The following SLC37A2 variants were observed in gnomAD, a reference collection of about 807,000 sequenced individuals.
The protein encoded by SLC37A2 is solute carrier family 37 member 2, also known as glucose-6-phosphate exchanger SLC37A2.
Under a neutral mutation model 70.7 loss-of-function variants are expected in SLC37A2, and 59 were observed. The ratio of observed to expected loss-of-function variants is 0.83; its 90% CI spans 0.68 to 1.04. SLC37A2 has a LOEUF of 1.04. SLC37A2 is among the 50% of genes least tolerant of loss of function. The pLI, the probability that SLC37A2 is intolerant of heterozygous loss-of-function variation, is 0.00. For synonymous variants in SLC37A2, 257 were observed against 262.1 expected (o/e 0.98, Z 0.19); for missense variants, 580 against 658.1 (o/e 0.88, Z 1.30).
At chr11:125,086,782 G>A (rs1389809404) in intron 17 of SLC37A2, 5 of 174,764 alleles carry the variant, frequency 2.9e-5, no homozygotes, top group African/African-American at 7.2e-5. Flanking sequence ...ATGGTCGGGC[G>A]ACCCTCTCCC....
At chr11:125,074,968 C>A (rs142491254) in intron 1 of SLC37A2, among the ~76,000 whole-genome samples, 1 of 152,200 alleles carries the variant, frequency 6.6e-6, no homozygotes, top group East Asian at 1.9e-4. Context: ...GCAGTATAAC[C>A]AGGGACCTGG....
chr11:125,065,738 C>T (rs1012899892), intron 1 of SLC37A2, among the ~76,000 whole-genome samples: 1 of 151,806 alleles, frequency 6.6e-6, no homozygotes, highest in African/African-American at 2.4e-5. Context: ...ACCAATTTTT[C>T]TAATTATGTA....
chr11:125,065,914 A>G (rs1948975228), intron 1 of SLC37A2, among the ~76,000 whole-genome samples: 1 of 152,246 alleles, frequency 6.6e-6, no homozygotes, highest in Admixed American at 6.5e-5. Flanking sequence ...CTAAGTTCTT[A>G]TGGGTTAATA....
chr11:125,079,601 C>T, intron 5 of SLC37A2, 83 bp from the exon 6 acceptor site: 3 of 1,129,430 alleles, frequency 2.7e-6, no homozygotes, highest in South Asian at 1.4e-5. Context: ...CGAAATTGAA[C>T]CTCCTCAGCC....
intron 1 of SLC37A2, among the ~76,000 whole-genome samples, chr11:125,073,751 T>G (rs12287383): frequency 0.27 from 41,574 of 152,242 alleles, 6,705 homozygotes; most frequent in African/African-American, 0.45. Flanking sequence ...ACCACCTGGG[T>G]TCCCCCGTGA....
At chr11:125,078,363 A>G (rs1313028555) in intron 4 of SLC37A2, among the ~76,000 whole-genome samples, 3 of 152,228 alleles carry the variant, frequency 2.0e-5, no homozygotes, top group Non-Finnish European at 4.4e-5. Context: ...CATTTCTGAG[A>G]GCTCACTCTG....
rs775089533 is a variant in SLC37A2 at position 125,072,677 on chromosome 11, G to A, written c.60-4080G>A. Among the ~76,000 whole-genome samples the A allele has an allele frequency of 2.0e-5, 3 of 152,234 alleles. No homozygotes were observed. The South Asian group carries it at 6.2e-4, about 31-fold the overall frequency. ...TGCGGGTTCTAAACATGGAAGGAGTGCGTCAGCTGCCTTTCTGAAGCTAGC... is the reference window on the plus strand; with the variant it reads ...TGCGGGTTCTAAACATGGAAGGAGTACGTCAGCTGCCTTTCTGAAGCTAGC... On this transcript the variant is annotated intron_variant, in intron 1 of 17. Coordinates refer to ENST00000403796, the MANE Select transcript of SLC37A2 (RefSeq NM_001145290.2).
rs757669973 is a variant in SLC37A2 at position 125,080,605 on chromosome 11, C to T, written c.528-9C>T. The T allele has an allele frequency of 5.4e-6, 8 of 1,478,920 alleles. No individual in the cohort carries two copies. In the East Asian group the frequency reaches 1.8e-4, roughly 34 times the overall value. The allele number at this position is 1,478,920 out of a possible 1,614,324, so 91.6% of individuals were successfully genotyped here. The stretch of plus-strand genomic sequence containing the variant: ...TTTATACCTCTTCCCTTCTCTCCCT[C>T]CCTTCCAGGCGGGGGTTCATCATGG... On this transcript the variant is annotated splice_polypyrimidine_tract_variant and intron_variant, in intron 6 of 17. Transcript: ENST00000403796. The surrounding 1 kb of genome is among the most constrained non-coding windows in gnomAD (Gnocchi z 4.3).
At chr11:125,085,894 G>A (rs1949207964) in intron 16 of SLC37A2, 60 bp from the exon 17 acceptor site, 1 of 1,476,508 alleles carries the variant, frequency 6.8e-7, no homozygotes, top group Non-Finnish European at 9.5e-7. Flanking sequence ...CCTGGTGCTG[G>A]GCACTCAGTG....
intron 4 of SLC37A2, among the ~76,000 whole-genome samples, chr11:125,077,802 A>G (rs1471778344): frequency 2.0e-5 from 3 of 152,086 alleles, no homozygotes; most frequent in Non-Finnish European, 2.9e-5. Flanking sequence ...ATGGACTAGG[A>G]CCCTTTAAGA....
chr11:125,076,780 T>C lies in SLC37A2; in HGVS notation c.83T>C (p.Leu28Pro). The C allele has an allele frequency of 6.2e-7, 1 of 1,614,208 alleles. No homozygotes were observed. The highest frequency in any genetic ancestry group is 8.5e-7 in the Non-Finnish European group (1 of 1,180,032). Residue 28 changes from leucine to proline, a missense_variant, in exon 2 of 18, where the codon CTG becomes CCG. Coordinates refer to ENST00000403796, the MANE Select transcript of SLC37A2 (RefSeq NM_001145290.2). Reference protein sequence around the residue: ...DSWFRGLILLLTFLIYACYHM... With the variant: ...DSWFRGLILLPTFLIYACYHM... Reference sequence around the variant, plus strand: ...AGGTTCCGAGGCCTCATCCTGCTGCTGACCTTCCTAATTTACGCCTGCTAT... The same window carrying C: ...AGGTTCCGAGGCCTCATCCTGCTGCCGACCTTCCTAATTTACGCCTGCTAT...
At chr11:125,082,022 T>C in intron 9 of SLC37A2, 116 bp downstream of exon 9, 2 of 1,270,338 alleles carry the variant, frequency 1.6e-6, no homozygotes, top group Non-Finnish European at 2.2e-6. Flanking sequence ...ATAGGGGAGG[T>C]GTAAGTTGGG....
At chr11:125,073,296 C>T (rs1215965113) in intron 1 of SLC37A2, among the ~76,000 whole-genome samples, 1 of 152,240 alleles carries the variant, frequency 6.6e-6, no homozygotes, top group Non-Finnish European at 1.5e-5. Context: ...AAGGCCAGAG[C>T]TCCAGGAGCT....
chr11:125,090,170 A>C lies in SLC37A2; in HGVS notation c.*2036A>C, dbSNP rs1279624490. On this transcript the variant is annotated 3_prime_UTR_variant, in exon 18 of 18. Coordinates refer to ENST00000403796, the MANE Select transcript of SLC37A2 (RefSeq NM_001145290.2). ...CTGTGTATCTAGCTCAAGGTTTATAAACACACCAATCAACACCCTGTGTCT... is the reference window on the plus strand; with the variant it reads ...CTGTGTATCTAGCTCAAGGTTTATACACACACCAATCAACACCCTGTGTCT... 1 of 152,034 alleles carries C rather than the reference A, an allele frequency of 6.6e-6. No individual in the cohort carries two copies. The highest frequency in any genetic ancestry group is 1.5e-5 in the Non-Finnish European group (1 of 68,054). The allele number at this position is 152,034 out of a possible 1,614,324, so 9.4% of individuals were successfully genotyped here.
Position 125,084,863 on chromosome 11 carries a change from C to T in SLC37A2, c.1164C>T (p.Ala388=), listed in dbSNP as rs755739171. Residue 388 remains alanine, a synonymous_variant, in exon 13 of 18, where the codon GCC becomes GCT. Transcript: ENST00000403796. Reference sequence around the variant, plus strand: ...ACTACATTGGCCAGGACGGGATTGCCAGCTCCATAGGTGAGGAGGAGGTTG... The same window carrying T: ...ACTACATTGGCCAGGACGGGATTGCTAGCTCCATAGGTGAGGAGGAGGTTG... The part of the protein sequence containing the change: ...LYNYIGQDGI[A]SSIVMLIICG... The T allele has an allele frequency of 1.2e-6, 2 of 1,613,598 alleles. No homozygotes were observed. The highest frequency in any genetic ancestry group is 2.2e-5 in the East Asian group (1 of 44,848).
At chr11:125,070,143 A>G (rs566647250) in intron 1 of SLC37A2, among the ~76,000 whole-genome samples, 7 of 152,288 alleles carry the variant, frequency 4.6e-5, no homozygotes, top group African/African-American at 1.7e-4. Flanking sequence ...AGGAGGGTGA[A>G]TTGGGCAGGC....
chr11:125,072,652 T>G (rs1247923963), intron 1 of SLC37A2, among the ~76,000 whole-genome samples: 1 of 152,204 alleles, frequency 6.6e-6, no homozygotes, highest in South Asian at 2.1e-4. Context: ...AAGTGAAACC[T>G]GCGGGTTCTA....
At chr11:125,072,923 G>C (rs1949044478) in intron 1 of SLC37A2, among the ~76,000 whole-genome samples, 1 of 152,178 alleles carries the variant, frequency 6.6e-6, no homozygotes, top group Admixed American at 6.5e-5. Flanking sequence ...GGCCAGGAAG[G>C]AAGTCCCAGA....
At chr11:125,074,891 A>G (rs1186965317) in intron 1 of SLC37A2, among the ~76,000 whole-genome samples, 1 of 152,186 alleles carries the variant, frequency 6.6e-6, no homozygotes, top group Non-Finnish European at 1.5e-5. Context: ...GCCAAACATC[A>G]TGGCAGAGGC....
Sources: allele counts gnomAD v4.1 joint callset (sites outside exome capture counted in the v4.1 genomes callset), GRCh38; gene constraint gnomAD v4.1.1; non-coding constraint Gnocchi (gnomAD v3.1); transcripts MANE v1.5; gene names NCBI Gene and HGNC (gene_info 2026-07-23, HGNC 2026-07-21).